Variants in CEP152 observed in about 807,000 individuals in gnomAD.
CEP152 encodes the protein centrosomal protein 152.
Under a neutral mutation model 188.9 loss-of-function variants are expected in CEP152, and 132 were observed. That is an observed-to-expected ratio of 0.70 (90% CI 0.61 to 0.81). CEP152 has a LOEUF of 0.81. Ranked by LOEUF, CEP152 falls within the 30% of genes least tolerant of loss-of-function variation. The pLI, the probability that CEP152 is intolerant of heterozygous loss-of-function variation, is 0.00. For missense variants in CEP152, 1,914 were observed against 1,969.8 expected (o/e 0.97, Z 0.54); for synonymous variants, 649 against 666.6 (o/e 0.97, Z 0.41).
At chr15:48,768,072 A>G in intron 15 of CEP152, 147 bp downstream of exon 15, 1 of 628,132 alleles carries the variant, frequency 1.6e-6, no homozygotes, top group Non-Finnish European at 2.9e-6. Flanking sequence ...TAATTTGAGA[A>G]GCCAGGGACT....
At chr15:48,757,577 A>G (rs1894369373) in intron 19 of CEP152, among the ~76,000 whole-genome samples, 1 of 152,144 alleles carries the variant, frequency 6.6e-6, no homozygotes. Context: ...CTGAATTCCT[A>G]ACTGAATTCA....
At position 48,783,959 on chromosome 15, in the gene CEP152, T is replaced by C. The variant is rs779822841; in HGVS notation, c.1321+14A>G. The C allele has an allele frequency of 2.5e-6, 4 of 1,613,704 alleles. No individual in the cohort carries two copies. Among genetic ancestry groups the C allele is most frequent in the Non-Finnish European group, 3.4e-6 (4 of 1,179,772 alleles). ...CAACCTTCTGGGGAGACAGTGGACC[T>C]ACCAGACACCTACCGGACTGCAACA... On this transcript the variant is annotated intron_variant, in intron 10 of 26. Transcript: ENST00000380950.
chr15:48,770,390 A>G (rs555954485), intron 13 of CEP152, among the ~76,000 whole-genome samples: 1 of 152,310 alleles, frequency 6.6e-6, no homozygotes, highest in South Asian at 2.1e-4. Context: ...CCTTTGATCT[A>G]TTGATCAACC....
At chr15:48,797,912 T>A (rs759412610) in intron 3 of CEP152, 36 bp downstream of exon 3, 5 of 1,539,754 alleles carry the variant, frequency 3.2e-6, no homozygotes, top group Non-Finnish European at 4.5e-6. Flanking sequence ...CTTATAGAAT[T>A]GCAATATACA....
chr15:48,738,906 A>G lies in CEP152; in HGVS notation c.4476T>C (p.His1492=), dbSNP rs776161221. The G allele has an allele frequency of 6.2e-7, 1 of 1,614,216 alleles. No homozygotes were observed. Among genetic ancestry groups the G allele is most frequent in the South Asian group, 1.1e-5 (1 of 91,076 alleles). The change falls in exon 27 of 27, where the codon CAT becomes CAC. Residue 1492 remains histidine, a synonymous_variant. Transcript: ENST00000380950. The stretch of plus-strand genomic sequence containing the variant: ...TTCCAAGAAAGGGGTATGCAGCTGA[A>G]TGCGGAAGTGATTCAGAACCATTAT... ...LSDNGSESLP[H]SAAYPFLGTL...
Position 48,801,904 on chromosome 15 carries a change from G to T in CEP152, c.87+3659C>A, listed in dbSNP as rs1307306262. 2.0e-5 allele frequency among the ~76,000 whole-genome samples: 3 copies of T among 152,120 alleles called. No individual in the cohort carries two copies. In the East Asian group the frequency reaches 5.8e-4, roughly 29 times the overall value. Reference sequence around the variant, plus strand: ...AAGTCAGGAGTTCAAGACCAGCCTGGCCAACATGGCAAAACCCTGTCTCTA... The same window carrying T: ...AAGTCAGGAGTTCAAGACCAGCCTGTCCAACATGGCAAAACCCTGTCTCTA... On this transcript the variant is annotated intron_variant, in intron 2 of 26. Coordinates refer to ENST00000380950, the MANE Select transcript of CEP152 (RefSeq NM_001194998.2).
Position 48,738,170 on chromosome 15 carries a change from C to T in CEP152, c.*79G>A. The T allele has an allele frequency of 7.0e-7, 1 of 1,430,530 alleles. No homozygotes were observed. 88.6% of individuals were successfully genotyped at this position (1,430,530 alleles called of 1,614,324 possible). On this transcript the variant is annotated 3_prime_UTR_variant, in exon 27 of 27. Coordinates refer to ENST00000380950, the MANE Select transcript of CEP152 (RefSeq NM_001194998.2). ...AAAACATCTCAAAAGAGGCAGGGCT[C>T]ACAATTTTTTTCAGTATGAGGTCTT...
At chr15:48,786,425 A>G (rs545675273) in intron 9 of CEP152, among the ~76,000 whole-genome samples, 3 of 152,302 alleles carry the variant, frequency 2.0e-5, no homozygotes, top group South Asian at 4.1e-4. Context: ...GAGTGCATAC[A>G]ATCTTTTCTA....
intron 2 of CEP152, among the ~76,000 whole-genome samples, chr15:48,802,773 TCAATA>T (rs1034595562): frequency 1.3e-5 from 2 of 152,234 alleles, no homozygotes; most frequent in Non-Finnish European, 2.9e-5. Context: ...CCTTTGACCT[TCAATA>T]CAAACAATGG....
intron 12 of CEP152, among the ~76,000 whole-genome samples, chr15:48,775,156 A>G (rs892996676): frequency 6.6e-6 from 1 of 151,976 alleles, no homozygotes; most frequent in Non-Finnish European, 1.5e-5. Context: ...CTGTAGTATA[A>G]TATCAAAAAA....
chr15:48,737,106 A>G (rs1278584414), downstream of CEP152, among the ~76,000 whole-genome samples: 1 of 152,196 alleles, frequency 6.6e-6, no homozygotes, highest in Non-Finnish European at 1.5e-5. Flanking sequence ...AGTTAAGGTG[A>G]CAGAGCTTTC....
chr15:48,758,594 C>T (rs1169041285), intron 19 of CEP152, among the ~76,000 whole-genome samples: 1 of 151,430 alleles, frequency 6.6e-6, no homozygotes, highest in Non-Finnish European at 1.5e-5. Flanking sequence ...TAGCGGGCAC[C>T]TATAATCCCA....
chr15:48,756,613 A>C, intron 19 of CEP152, 60 bp from the exon 20 acceptor site: 1 of 1,524,130 alleles, frequency 6.6e-7, no homozygotes, highest in Non-Finnish European at 8.9e-7. Flanking sequence ...TTCGCAAAAA[A>C]ATTAAGGTAA....
chr15:48,729,532 T>A (rs1687971333), intron 2 of CEP152: 1 of 152,116 alleles, frequency 6.6e-6, no homozygotes, highest in Non-Finnish European at 1.5e-5. Flanking sequence ...CAGAGCAAGA[T>A]CCCATCTCCT....
chr15:48,756,691 A>G lies in CEP152; in HGVS notation c.2695-138T>C, dbSNP rs569441375. The G allele has an allele frequency of 2.7e-4, 213 of 792,602 alleles. 3 individuals are homozygous for G. In the South Asian group the frequency reaches 3.7e-3, roughly 14 times the overall value. The allele number at this position is 792,602 out of a possible 1,614,324, so 49.1% of individuals were successfully genotyped here. On this transcript the variant is annotated intron_variant, in intron 19 of 26. Transcript: ENST00000380950. ...ATTAAAAGGAAACATGATTTTAGATAAGACATTATTCTAAAAACTATACTT... is the reference window on the plus strand; with the variant it reads ...ATTAAAAGGAAACATGATTTTAGATGAGACATTATTCTAAAAACTATACTT...
At chr15:48,736,369 A>G (rs1396176458), downstream of CEP152, among the ~76,000 whole-genome samples, 1 of 152,186 alleles carries the variant, frequency 6.6e-6, no homozygotes, top group African/African-American at 2.4e-5. Flanking sequence ...TCAAGAACAT[A>G]CACATGAAAA....
intron 12 of CEP152, among the ~76,000 whole-genome samples, chr15:48,777,126 A>T (rs1245753518): frequency 6.6e-6 from 1 of 152,062 alleles, no homozygotes; most frequent in Non-Finnish European, 1.5e-5. Flanking sequence ...TGACCCCTAA[A>T]TGTAATGGGG....
At chr15:48,762,280 C>A in intron 18 of CEP152, 111 bp downstream of exon 18, 1 of 1,108,396 alleles carries the variant, frequency 9.0e-7, no homozygotes, top group Non-Finnish European at 1.3e-6. Flanking sequence ...TAGAAATGCA[C>A]AAAATCTTAA....
intron 17 of CEP152, among the ~76,000 whole-genome samples, chr15:48,763,847 A>C (rs879693904): frequency 1.4e-4 from 22 of 152,302 alleles, no homozygotes; most frequent in Admixed American, 1.4e-3. Flanking sequence ...GGCTTCTGAG[A>C]CTGCCCATTA....
Sources: allele counts gnomAD v4.1 joint callset (sites outside exome capture counted in the v4.1 genomes callset), GRCh38; gene constraint gnomAD v4.1.1; transcripts MANE v1.5; gene names NCBI Gene and HGNC (gene_info 2026-07-23, HGNC 2026-07-21).